The following USP37 variants were observed in gnomAD, a reference collection of about 807,000 sequenced individuals.
The protein encoded by USP37 is ubiquitin specific peptidase 37.
Under a neutral mutation model 124.0 loss-of-function variants are expected in USP37, and 27 were observed. The ratio of observed to expected loss-of-function variants is 0.22; its 90% CI spans 0.16 to 0.30. The LOEUF is 0.30. USP37 is among the 10% of genes least tolerant of loss of function. USP37 has a pLI of 1.00. For synonymous variants in USP37, 365 were observed against 388.0 expected (o/e 0.94, Z 0.70); for missense variants, 889 against 1,140.4 (o/e 0.78, Z 3.17).
chr2:218,473,266 G>A (rs1317140569), intron 20 of USP37: 7 of 152,178 alleles, frequency 4.6e-5, no homozygotes, highest in Admixed American at 1.3e-4. Context: ...AGAGCAGAAA[G>A]CAGGAAATAA....
At chr2:218,532,731 C>T (rs1691404442) in intron 9 of USP37, among the ~76,000 whole-genome samples, 1 of 151,878 alleles carries the variant, frequency 6.6e-6, no homozygotes, top group South Asian at 2.1e-4. Flanking sequence ...GAGCTGGGGA[C>T]CAGCCTGGGC....
intron 20 of USP37, among the ~76,000 whole-genome samples, chr2:218,474,018 T>C (rs1209142586): frequency 6.6e-6 from 1 of 152,154 alleles, no homozygotes; most frequent in Admixed American, 6.5e-5. Flanking sequence ...TGTATCTAAA[T>C]ACATCTAAAC....
chr2:218,557,534 A>G (rs1229340955), intron 4 of USP37, among the ~76,000 whole-genome samples: 5 of 151,716 alleles, frequency 3.3e-5, no homozygotes, highest in African/African-American at 1.2e-4. Context: ...GACAAATACA[A>G]ATTTTACCTA....
chr2:218,461,830 C>CA (rs1374170085), intron 22 of USP37, among the ~76,000 whole-genome samples: 5 of 151,760 alleles, frequency 3.3e-5, no homozygotes. Flanking sequence ...GGCAACATGC[C>CA]AAAACTCCAT....
At chr2:218,512,475 T>C (rs1346636200) in intron 10 of USP37, among the ~76,000 whole-genome samples, 1 of 151,846 alleles carries the variant, frequency 6.6e-6, no homozygotes, top group Non-Finnish European at 1.5e-5. Context: ...GCCACTGCAC[T>C]CCAGCCTGAG....
intron 5 of USP37, among the ~76,000 whole-genome samples, chr2:218,551,338 A>G (rs1460491392): frequency 6.6e-6 from 1 of 152,256 alleles, no homozygotes; most frequent in Non-Finnish European, 1.5e-5. Flanking sequence ...AGAATGAATT[A>G]AGAGTTAAGC....
rs773126932 is a variant in USP37 at position 218,530,038 on chromosome 2, G to C, written c.781C>G (p.Leu261Val). ...AAGGATGATGACTGTAAAGGTAAAA[G>C]CCCTATAAAACAAATGAACAAAGGA... ...KQSEENRTSG[L>V]LPLQSSSFYG... The change falls in exon 10 of 26, where the codon CTT becomes GTT. Residue 261 changes from leucine to valine, a missense_variant and splice_region_variant. By Grantham distance (32) the Leu-to-Val change is conservative (BLOSUM62 1). This residue lies in a region of USP37 where 374 missense variants were observed against 386.0 expected (regional missense o/e 0.97). Transcript: ENST00000258399. 21 of 1,598,518 alleles carry C rather than the reference G, an allele frequency of 1.3e-5. No homozygotes were observed. Among genetic ancestry groups the C allele is most frequent in the Non-Finnish European group, 1.6e-5 (19 of 1,176,000 alleles).
intron 13 of USP37, among the ~76,000 whole-genome samples, chr2:218,496,898 G>A (rs1308041286): frequency 2.0e-5 from 3 of 151,602 alleles, no homozygotes; most frequent in Non-Finnish European, 2.9e-5. Flanking sequence ...TGATCCACCC[G>A]CCTCGGCCTC....
chr2:218,456,325 C>A (rs190458570), intron 24 of USP37, among the ~76,000 whole-genome samples: 52 of 152,006 alleles, frequency 3.4e-4, no homozygotes, highest in Admixed American at 2.7e-3. Context: ...GTGGCATGCA[C>A]GTGTAGTCGC....
intron 13 of USP37, among the ~76,000 whole-genome samples, chr2:218,497,529 G>A (rs1159489414): frequency 2.0e-5 from 3 of 151,444 alleles, no homozygotes; most frequent in Non-Finnish European, 4.4e-5. Flanking sequence ...GAGAAGCTGG[G>A]ATTACAGGCG....
In USP37 at chr2:218,476,833, T is replaced by A. The variant is rs1653430344; in HGVS notation, c.2043+7A>T. ...TTTGTCAGATGTTTTAAGAAAATAT[T>A]ACTTACTTTTTCCAGGTCTTCCTGC... is the stretch of plus-strand genomic sequence containing the variant. On this transcript the variant is annotated splice_region_variant and intron_variant, in intron 19 of 25. Coordinates refer to ENST00000258399, the MANE Select transcript of USP37 (RefSeq NM_020935.3). The A allele has an allele frequency of 6.3e-7, 1 of 1,591,522 alleles. No homozygotes were observed. Among genetic ancestry groups the A allele is most frequent in the Non-Finnish European group, 8.5e-7 (1 of 1,173,600 alleles).
intron 20 of USP37, among the ~76,000 whole-genome samples, chr2:218,473,497 G>C (rs1690802720): frequency 6.6e-6 from 1 of 152,148 alleles, no homozygotes; most frequent in African/African-American, 2.4e-5. Flanking sequence ...TTCCAACTAT[G>C]AGAATGTAGA....
rs1251878254 is a variant in USP37, at chr2:218,468,956, G to A, written c.2300-2780C>T. Among the ~76,000 whole-genome samples the A allele has an allele frequency of 2.0e-5, 3 of 152,298 alleles. No individual in the cohort carries two copies. The East Asian group carries it at 5.8e-4, about 29-fold the overall frequency. On this transcript the variant is annotated intron_variant, in intron 20 of 25. Coordinates refer to ENST00000258399, the MANE Select transcript of USP37 (RefSeq NM_020935.3). ...GATCCACCTGCCTTGGCCTCCCAAA[G>A]TGCTGGGATTATAGGTGTGAGCCAC...
chr2:218,562,155 T>C (rs1465779606), intron 2 of USP37, among the ~76,000 whole-genome samples: 1 of 152,238 alleles, frequency 6.6e-6, no homozygotes, highest in East Asian at 1.9e-4. Flanking sequence ...GACAGCTACA[T>C]TTGCTCATTC....
intron 14 of USP37, among the ~76,000 whole-genome samples, chr2:218,489,899 T>C (rs116267233): frequency 0.023 from 3,507 of 152,346 alleles, 139 homozygotes; most frequent in African/African-American, 0.08. Context: ...TTCAGCATGA[T>C]TGTAATATTT....
intron 4 of USP37, among the ~76,000 whole-genome samples, chr2:218,558,004 C>T (rs1418341539): frequency 7.3e-6 from 1 of 136,430 alleles, no homozygotes; most frequent in Non-Finnish European, 1.6e-5. Context: ...CAAAACTTCA[C>T]AGTTAGAAGA....
rs1365053489 is a variant in USP37, at chr2:218,547,034, G to C, written c.487C>G (p.Leu163Val). The change falls in exon 7 of 26, where the codon CTT becomes GTT. Residue 163 changes from leucine to valine, a missense_variant. Transcript: ENST00000258399. The part of the protein sequence containing the change: ...TKDDIPFRKV[L>V]GNPGRGSIKT... ...ATCGATCCTCTACCCGGATTACCAA[G>C]AACTTTTCGAAATGGAATATCATCT... 1.2e-6 allele frequency: 2 copies of C among 1,611,494 alleles called. No homozygotes were observed. The highest frequency in any genetic ancestry group is 1.7e-6 in the Non-Finnish European group (2 of 1,179,448).
intron 17 of USP37, among the ~76,000 whole-genome samples, chr2:218,480,256 C>T (rs546436395): frequency 2.0e-5 from 3 of 151,534 alleles, no homozygotes; most frequent in African/African-American, 4.8e-5. Flanking sequence ...AAAAATCAGC[C>T]GGGCATGGTG....
intron 16 of USP37, among the ~76,000 whole-genome samples, chr2:218,482,450 G>C (rs1691315600): frequency 6.6e-6 from 1 of 151,886 alleles, no homozygotes; most frequent in Non-Finnish European, 1.5e-5. Flanking sequence ...GTGTGGTTTG[G>C]GTAAAATACT....
Sources: gnomAD v4.1 joint callset for allele counts (sites outside exome capture counted in the v4.1 genomes callset) on GRCh38, gnomAD v4.1.1 for gene constraint, gnomAD v4.1.1 regional missense constraint, MANE v1.5 for transcripts, NCBI Gene and HGNC (gene_info 2026-07-23, HGNC 2026-07-21) for gene names.